The following PCLO variants were observed in gnomAD, a reference collection of about 807,000 sequenced individuals.
The protein encoded by PCLO is piccolo presynaptic cytomatrix protein.
In PCLO, 82 loss-of-function variants were observed where a neutral mutation model predicts 427.5. The observed-to-expected ratio is 0.19, with a 90% CI of 0.16 to 0.23. PCLO has a LOEUF of 0.23. Among genes scored for constraint, PCLO ranks in the 10% least tolerant of loss-of-function variants. The pLI is 1.00. For missense variants in PCLO, 6,239 were observed against 6,115.9 expected, an observed-to-expected ratio of 1.02 and a Z score of -0.67; for synonymous variants, 2,357 against 2,155.4, an observed-to-expected ratio of 1.09 and a Z score of -2.59.
chr7:82,943,449 T>C (rs959519304), intron 6 of PCLO, among the ~76,000 whole-genome samples: 18 of 152,168 alleles, frequency 1.2e-4, no homozygotes, highest in Non-Finnish European at 1.8e-4. Flanking sequence ...TTCTTAAATA[T>C]ACAAACTAAT....
chr7:82,845,350 G>A lies in PCLO; in HGVS notation c.13967C>T (p.Ser4656Leu), dbSNP rs777003238. The change falls in exon 13 of 25, where the codon TCA becomes TTA. Residue 4656 changes from serine to leucine, a missense_variant. Ser to Leu is a moderately radical substitution (Grantham distance 145, BLOSUM62 -2). Transcript: ENST00000333891. Reference sequence around the variant, plus strand: ...GCTGGGAACGGAACTGGATCCTGCTGATGTAGGACCTGAATGAACATGAGA... The same window carrying A: ...GCTGGGAACGGAACTGGATCCTGCTAATGTAGGACCTGAATGAACATGAGA... ...KGSHVHSGPT[S>L]AGSSSVPSPG... is the part of the protein sequence containing the mutation. 2.4e-5 allele frequency: 38 copies of A among 1,613,330 alleles called. No homozygotes were observed. The highest frequency in any genetic ancestry group is 3.1e-5 in the Non-Finnish European group (36 of 1,179,616).
At chr7:82,804,249 A>G (rs999294741) in intron 21 of PCLO, among the ~76,000 whole-genome samples, 1 of 152,186 alleles carries the variant, frequency 6.6e-6, no homozygotes. Flanking sequence ...CTGATTAAGT[A>G]CAAATAACTC....
At chr7:83,096,848 AAT>A (rs1258572190) in intron 3 of PCLO, among the ~76,000 whole-genome samples, 2 of 33,598 alleles carry the variant, frequency 6.0e-5, no homozygotes, top group Admixed American at 1.3e-3. Context: ...ATATAATATA[AAT>A]ATATATAAAA....
chr7:82,824,447 T>A (rs750316852), intron 18 of PCLO, 31 bp from the exon 19 acceptor site: 1 of 1,408,004 alleles, frequency 7.1e-7, no homozygotes. Flanking sequence ...TAAATGAAAT[T>A]TAGGGACTAA....
intron 3 of PCLO, among the ~76,000 whole-genome samples, chr7:83,124,149 A>C (rs1287153224): frequency 6.6e-6 from 1 of 151,428 alleles, no homozygotes; most frequent in Non-Finnish European, 1.5e-5. Context: ...TCTCTACAAA[A>C]AATACAAAAA....
intron 20 of PCLO, among the ~76,000 whole-genome samples, chr7:82,812,076 A>G (rs1791583789): frequency 6.6e-6 from 1 of 151,474 alleles, no homozygotes; most frequent in Non-Finnish European, 1.5e-5. Context: ...AGAGAAGAAG[A>G]TGAAGACGGG....
At chr7:82,848,990 A>T (rs1441838573) in intron 10 of PCLO, 6 of 295,918 alleles carry the variant, frequency 2.0e-5, no homozygotes, top group Non-Finnish European at 3.5e-5. Context: ...AAAATATAGC[A>T]CGCTGAAAGA....
chr7:83,063,926 T>A (rs970039426), intron 3 of PCLO, among the ~76,000 whole-genome samples: 11 of 152,082 alleles, frequency 7.2e-5, no homozygotes, highest in Admixed American at 4.6e-4. Context: ...CTGTGGATAT[T>A]TGATTATTTT....
At chr7:82,769,366 G>A (rs1439580347) in intron 22 of PCLO, among the ~76,000 whole-genome samples, 2 of 152,018 alleles carry the variant, frequency 1.3e-5, no homozygotes, top group Admixed American at 6.6e-5. Flanking sequence ...ACACAGCAAT[G>A]CTTTTTTTTG....
intron 6 of PCLO, among the ~76,000 whole-genome samples, chr7:82,948,388 C>A (rs1050213210): frequency 6.6e-6 from 1 of 151,916 alleles, no homozygotes; most frequent in African/African-American, 2.4e-5. Context: ...GTCTATATAC[C>A]TACAAGTAGA....
At chr7:82,939,476 T>C (rs573739193) in intron 6 of PCLO, among the ~76,000 whole-genome samples, 13 of 151,908 alleles carry the variant, frequency 8.6e-5, no homozygotes, top group East Asian at 1.9e-4. Context: ...GATTATCCCT[T>C]AGCCTAGAAC....
At chr7:82,929,975 T>C (rs10487645) in intron 6 of PCLO, among the ~76,000 whole-genome samples, 22,734 of 152,140 alleles carry the variant, frequency 0.15, 2,770 homozygotes, top group African/African-American at 0.33. Context: ...TGCTTCTACC[T>C]TCATGCAGCT....
At chr7:82,994,785 C>G (rs1330732300) in intron 3 of PCLO, among the ~76,000 whole-genome samples, 11 of 151,574 alleles carry the variant, frequency 7.3e-5, no homozygotes, top group Non-Finnish European at 1.5e-4. Context: ...TGCTATAGAT[C>G]AGGTGAGAAA....
chr7:83,107,825 C>A (rs75191258), intron 3 of PCLO, among the ~76,000 whole-genome samples: 1 of 151,014 alleles, frequency 6.6e-6, no homozygotes, highest in Non-Finnish European at 1.5e-5. Context: ...CCCAAGTCTA[C>A]TAAAAACACG....
intron 14 of PCLO, among the ~76,000 whole-genome samples, chr7:82,839,911 T>C (rs1197093889): frequency 2.6e-5 from 4 of 151,896 alleles, no homozygotes; most frequent in African/African-American, 9.7e-5. Flanking sequence ...AAAATAATAA[T>C]AATAATAATT....
intron 8 of PCLO, among the ~76,000 whole-genome samples, chr7:82,908,612 G>C (rs759627847): frequency 6.6e-6 from 1 of 152,060 alleles, no homozygotes; most frequent in Non-Finnish European, 1.5e-5. Context: ...TTGTATAGCT[G>C]TGCTGGATAT....
intron 22 of PCLO, among the ~76,000 whole-genome samples, chr7:82,775,990 T>G (rs2129467952): frequency 6.6e-6 from 1 of 152,310 alleles, no homozygotes; most frequent in South Asian, 2.1e-4. Context: ...ATAATATCAT[T>G]ATTGTTGTTA....
Position 82,950,794 on chromosome 7 carries a change from T to G in PCLO, c.9794A>C (p.Gln3265Pro). ...TTCTTCTTGCTGAAAGAGAAGGTGTTGCTTCATAGACTGCAGCTCCTCCAA... is the reference window on the plus strand; with the variant it reads ...TTCTTCTTGCTGAAAGAGAAGGTGTGGCTTCATAGACTGCAGCTCCTCCAA... Reference protein sequence around the residue: ...KKLEELQSMKQHLLFQQEEER... With the variant: ...KKLEELQSMKPHLLFQQEEER... Residue 3265 changes from glutamine (Q) to proline (P), a missense_variant, in exon 6 of 25, where the codon CAA (glutamine) becomes CCA (proline). Coordinates refer to ENST00000333891, the MANE Select transcript of PCLO (RefSeq NM_033026.6). The G allele has an allele frequency of 6.2e-7, 1 of 1,613,804 alleles. No homozygotes were observed. Among genetic ancestry groups the G allele is most frequent in the Non-Finnish European group, 8.5e-7 (1 of 1,179,846 alleles).
In PCLO at chr7:82,816,940, T is replaced by C. The variant is rs187497215; in HGVS notation, c.14791+5555A>G. On this transcript the variant is annotated intron_variant, in intron 20 of 24. Coordinates refer to ENST00000333891, the MANE Select transcript of PCLO (RefSeq NM_033026.6). ...AGTGTGATATGGTCAGAGTTCTACA[T>C]TTACTGTCTGATTCTGTATGTATAG... Among the ~76,000 whole-genome samples, 300 of 152,280 alleles carry C rather than the reference T, an allele frequency of 2.0e-3. 1 individual carries two copies. The highest frequency in any genetic ancestry group is 0.017 in the Middle Eastern group (5 of 294).
Sources: gnomAD v4.1 joint callset for allele counts (sites outside exome capture counted in the v4.1 genomes callset) on GRCh38, gnomAD v4.1.1 for gene constraint, MANE v1.5 for transcripts, NCBI Gene and HGNC (gene_info 2026-07-23, HGNC 2026-07-21) for gene names.